Variants in AGFG1 observed in about 807,000 individuals in gnomAD.
The protein encoded by AGFG1 is ArfGAP with FG repeats 1, also known as arf-GAP domain and FG repeat-containing protein 1.
In AGFG1, 10 loss-of-function variants were observed where a neutral mutation model predicts 60.6. The observed-to-expected ratio is 0.16, with a 90% CI of 0.10 to 0.28. The LOEUF is 0.28. AGFG1 is among the 10% of genes least tolerant of loss of function. The pLI, the probability that AGFG1 is intolerant of heterozygous loss-of-function variation, is 1.00. For synonymous variants in AGFG1, 247 were observed against 242.9 expected, an observed-to-expected ratio of 1.02 and a Z score of -0.16; for missense variants, 537 against 676.5, an observed-to-expected ratio of 0.79 and a Z score of 2.29.
intron 2 of AGFG1, among the ~76,000 whole-genome samples, chr2:227,495,241 G>A (rs1356650707): frequency 6.6e-6 from 1 of 151,852 alleles, no homozygotes; most frequent in Non-Finnish European, 1.5e-5. Flanking sequence ...GTATCATACA[G>A]TTACTTTAAA....
intron 2 of AGFG1, among the ~76,000 whole-genome samples, chr2:227,501,732 C>A (rs1691163513): frequency 6.6e-6 from 1 of 152,072 alleles, no homozygotes; most frequent in African/African-American, 2.4e-5. Flanking sequence ...CATAGGCATA[C>A]ACCACCACGC....
At chr2:227,506,477 C>G (rs562669156) in intron 2 of AGFG1, among the ~76,000 whole-genome samples, 1 of 141,620 alleles carries the variant, frequency 7.1e-6, no homozygotes, top group Admixed American at 7.7e-5. Context: ...CTCTTGTCTT[C>G]TTGTACTTTA....
At chr2:227,499,052 T>C (rs149463218) in intron 2 of AGFG1, among the ~76,000 whole-genome samples, 258 of 152,292 alleles carry the variant, frequency 1.7e-3, no homozygotes, top group Middle Eastern at 3.4e-3. Context: ...CACATGGCTG[T>C]CTTTTTATTA....
intron 1 of AGFG1, among the ~76,000 whole-genome samples, chr2:227,488,182 A>G (rs1205786552): frequency 1.3e-5 from 2 of 152,218 alleles, no homozygotes; most frequent in Admixed American, 1.3e-4. Context: ...GGTTATGAGT[A>G]CATTCTGGTT....
chr2:227,526,718 T>G (rs1445660351), intron 5 of AGFG1, among the ~76,000 whole-genome samples: 1 of 136,448 alleles, frequency 7.3e-6, no homozygotes, highest in Non-Finnish European at 1.6e-5. Context: ...GTTTTTTGTG[T>G]TTTTTAGTAA....
chr2:227,495,405 G>A (rs1253942339), intron 2 of AGFG1, among the ~76,000 whole-genome samples: 2 of 151,804 alleles, frequency 1.3e-5, no homozygotes, highest in Non-Finnish European at 2.9e-5. Context: ...AATTAGCCAG[G>A]CGTGGTGGTA....
chr2:227,511,871 G>A (rs1228774232), intron 2 of AGFG1, among the ~76,000 whole-genome samples: 2 of 152,130 alleles, frequency 1.3e-5, no homozygotes, highest in Non-Finnish European at 1.5e-5. Flanking sequence ...AGGGATTATT[G>A]TCCCTTTGGA....
At chr2:227,495,966 AAAT>A (rs1344643991) in intron 2 of AGFG1, among the ~76,000 whole-genome samples, 2 of 151,458 alleles carry the variant, frequency 1.3e-5, no homozygotes, top group African/African-American at 2.4e-5. Context: ...TTAAAAAAAA[AAAT>A]TAGCCAGGCA....
chr2:227,533,823 T>A lies in AGFG1; in HGVS notation c.1024+65T>A, dbSNP rs1426532448. ...AACAGTGCTCTTAATTTGGTTGTATTTATTAAAATCTGAACATGCTACACT... is the reference window on the plus strand; with the variant it reads ...AACAGTGCTCTTAATTTGGTTGTATATATTAAAATCTGAACATGCTACACT... On this transcript the variant is annotated intron_variant, in intron 7 of 12. Coordinates refer to ENST00000310078, the MANE Select transcript of AGFG1 (RefSeq NM_004504.5). 25 of 1,446,122 alleles carry A rather than the reference T, an allele frequency of 1.7e-5. No homozygotes were observed. In the Admixed American group the frequency reaches 2.6e-4, roughly 15 times the overall value. 89.6% of individuals were successfully genotyped at this position (1,446,122 alleles called of 1,614,324 possible).
intron 10 of AGFG1, among the ~76,000 whole-genome samples, chr2:227,544,423 CTG>C (rs1692582749): frequency 1.3e-5 from 2 of 152,058 alleles, no homozygotes. Context: ...CAAAGTCAGT[CTG>C]TGTCTTTTAA....
chr2:227,542,769 T>A (rs1692529632), intron 10 of AGFG1, among the ~76,000 whole-genome samples: 2 of 152,246 alleles, frequency 1.3e-5, no homozygotes, highest in Admixed American at 6.5e-5. Context: ...AGAATTTGGC[T>A]GTCAATCTGT....
intron 10 of AGFG1, among the ~76,000 whole-genome samples, chr2:227,540,438 A>G (rs1025391879): frequency 6.6e-6 from 1 of 152,108 alleles, no homozygotes; most frequent in Non-Finnish European, 1.5e-5. Context: ...GAGTTAGAAC[A>G]TGTGGTGTTT....
chr2:227,532,208 C>T, intron 6 of AGFG1: 1 of 1,544,896 alleles, frequency 6.5e-7, no homozygotes, highest in East Asian at 2.5e-5. Context: ...AGGCTACCCA[C>T]AGTAAGTTCT....
At chr2:227,520,764 A>G (rs1048671153) in intron 3 of AGFG1, among the ~76,000 whole-genome samples, 4 of 152,328 alleles carry the variant, frequency 2.6e-5, no homozygotes, top group East Asian at 3.9e-4. Flanking sequence ...CTCATTAACT[A>G]TGAACTTTTG....
chr2:227,509,769 G>A (rs1280114165), intron 2 of AGFG1, among the ~76,000 whole-genome samples: 1 of 152,016 alleles, frequency 6.6e-6, no homozygotes, highest in Non-Finnish European at 1.5e-5. Flanking sequence ...TATACATGGT[G>A]GGGGTGGGTA....
At chr2:227,544,891 T>C (rs1049053885) in intron 10 of AGFG1, among the ~76,000 whole-genome samples, 1 of 152,186 alleles carries the variant, frequency 6.6e-6, no homozygotes, top group African/African-American at 2.4e-5. Flanking sequence ...GCCCTTAACA[T>C]TTTTTCCTTC....
chr2:227,497,730 G>GAGT (rs1691020080), intron 2 of AGFG1, among the ~76,000 whole-genome samples: 1 of 38,940 alleles, frequency 2.6e-5, no homozygotes, highest in African/African-American at 7.6e-5. Context: ...TTTCTTTCTT[G>GAGT]TTTTGTTTTT....
intron 1 of AGFG1, among the ~76,000 whole-genome samples, chr2:227,475,413 C>A (rs1690252528): frequency 6.6e-6 from 1 of 152,152 alleles, no homozygotes; most frequent in African/African-American, 2.4e-5. Flanking sequence ...AATCTGAAAT[C>A]TAGAATTCTT....
chr2:227,532,063 T>C, intron 6 of AGFG1: 2 of 1,235,964 alleles, frequency 1.6e-6, no homozygotes, highest in Non-Finnish European at 2.2e-6. Context: ...TGTATTGTCT[T>C]AAAGCCTTTT....
Sources: allele counts gnomAD v4.1 joint callset (sites outside exome capture counted in the v4.1 genomes callset), GRCh38; gene constraint gnomAD v4.1.1; transcripts MANE v1.5; gene names NCBI Gene and HGNC (gene_info 2026-07-23, HGNC 2026-07-21).